WASHC3: variants seen among roughly 807,000 people sequenced by gnomAD.
WASHC3 encodes the protein WASH complex subunit 3.
In WASHC3, 24 loss-of-function variants were observed where a neutral mutation model predicts 26.1. That is an observed-to-expected ratio of 0.92 (90% CI 0.66 to 1.29). WASHC3 has a LOEUF of 1.29. Among genes scored for constraint, WASHC3 ranks in the 50% most tolerant of loss-of-function variants. The pLI is 0.00. For missense variants in WASHC3, 214 were observed against 229.6 expected (o/e 0.93, Z 0.44); for synonymous variants, 77 against 75.7 (o/e 1.02, Z -0.09).
chr12:102,021,829 C>T (rs912108218), intron 6 of WASHC3, among the ~76,000 whole-genome samples: 3 of 103,592 alleles, frequency 2.9e-5, no homozygotes, highest in Non-Finnish European at 5.8e-5. Context: ...GCTGGGCATG[C>T]CATGTAAAAA....
At chr12:102,016,776 A>C (rs1312828542) in intron 6 of WASHC3, among the ~76,000 whole-genome samples, 2 of 152,216 alleles carry the variant, frequency 1.3e-5, no homozygotes, top group African/African-American at 2.4e-5. Flanking sequence ...AGTTCATAGA[A>C]TAAAGATATA....
chr12:102,058,228 G>T (rs1051881853), intron 2 of WASHC3, among the ~76,000 whole-genome samples: 1 of 152,080 alleles, frequency 6.6e-6, no homozygotes, highest in Admixed American at 6.6e-5. Context: ...AATGAAATTA[G>T]ACCCTCATCC....
At chr12:102,049,760 G>A (rs1878313784) in intron 2 of WASHC3, among the ~76,000 whole-genome samples, 1 of 152,122 alleles carries the variant, frequency 6.6e-6, no homozygotes, top group African/African-American at 2.4e-5. Flanking sequence ...AGAAAAGGAA[G>A]CAATGAATGG....
At chr12:102,024,571 C>A (rs1231480906) in intron 6 of WASHC3, among the ~76,000 whole-genome samples, 1 of 152,128 alleles carries the variant, frequency 6.6e-6, no homozygotes, top group East Asian at 1.9e-4. Context: ...TAGGTTTAGG[C>A]TGGACAGGGG....
chr12:102,044,582 T>C (rs1323079308), intron 3 of WASHC3, among the ~76,000 whole-genome samples: 2 of 152,288 alleles, frequency 1.3e-5, no homozygotes, highest in East Asian at 3.9e-4. Context: ...GATAAGAACA[T>C]GTACCTAGAA....
At chr12:102,046,172 C>A in intron 2 of WASHC3, 53 bp from the exon 3 acceptor site, 5 of 981,300 alleles carry the variant, frequency 5.1e-6, no homozygotes, top group Admixed American at 2.1e-5. Context: ...AAACTGTTAA[C>A]AATAACTAAG....
chr12:102,020,286 A>C (rs1876896792), intron 6 of WASHC3, among the ~76,000 whole-genome samples: 1 of 152,268 alleles, frequency 6.6e-6, no homozygotes, highest in Non-Finnish European at 1.5e-5. Flanking sequence ...GTAAAGGTAG[A>C]ATGAGGTGGG....
At chr12:102,056,100 A>G (rs1323636542) in intron 2 of WASHC3, among the ~76,000 whole-genome samples, 1 of 152,224 alleles carries the variant, frequency 6.6e-6, no homozygotes, top group Non-Finnish European at 1.5e-5. Context: ...TAACTTACAA[A>G]GGTCATTTAA....
chr12:102,041,632 T>A (rs1320597658), intron 4 of WASHC3, among the ~76,000 whole-genome samples: 11 of 152,090 alleles, frequency 7.2e-5, no homozygotes, highest in Non-Finnish European at 1.2e-4. Flanking sequence ...ATAATGTCAA[T>A]GAAAACTCTG....
At chr12:102,045,381 A>T (rs1594365457) in intron 3 of WASHC3, among the ~76,000 whole-genome samples, 1 of 152,202 alleles carries the variant, frequency 6.6e-6, no homozygotes, top group Non-Finnish European at 1.5e-5. Context: ...TTCCTCATAA[A>T]TATTTACAGA....
rs987004879 is a variant in WASHC3, at chr12:102,042,552, T to G, written c.324+1553A>C. On this transcript the variant is annotated intron_variant, in intron 4 of 6. Coordinates refer to ENST00000240079, the MANE Select transcript of WASHC3 (RefSeq NM_016053.4). Reference sequence around the variant, plus strand: ...ACGTTACTTTTCGACCTTCAGCAAGTTACTTAACCTCTATATACCTCATTT... The same window carrying G: ...ACGTTACTTTTCGACCTTCAGCAAGGTACTTAACCTCTATATACCTCATTT... Among the ~76,000 whole-genome samples the G allele has an allele frequency of 1.3e-5, 2 of 152,194 alleles. 1 individual carries two copies. The highest frequency in any genetic ancestry group is 1.3e-4 in the Admixed American group (2 of 15,286).
intron 2 of WASHC3, chr12:102,050,453 AACACACACAC>A (rs58251617): frequency 6.9e-4 from 229 of 333,954 alleles, no homozygotes; most frequent in Admixed American, 4.9e-3. Flanking sequence ...TGCCATCTCT[AACACACACAC>A]ACACACACAC....
chr12:102,012,857 C>T lies in WASHC3; in HGVS notation c.*251G>A, dbSNP rs1024651363. 1 of 297,212 alleles carries T rather than the reference C, an allele frequency of 3.4e-6. No homozygotes were observed. Among genetic ancestry groups the T allele is most frequent in the African/African-American group, 2.2e-5 (1 of 44,784 alleles). The allele number at this position is 297,212 out of a possible 1,614,324, so 18.4% of individuals were successfully genotyped here. On this transcript the variant is annotated 3_prime_UTR_variant, in exon 7 of 7. Coordinates refer to ENST00000240079, the MANE Select transcript of WASHC3 (RefSeq NM_016053.4). ...TCATTGCATCTCTAAAATATTCTAT[C>T]TTAGTATTTGTAGCACTAATTGTAC...
intron 6 of WASHC3, among the ~76,000 whole-genome samples, chr12:102,024,850 C>T (rs1434617410): frequency 6.6e-6 from 1 of 152,244 alleles, no homozygotes; most frequent in Non-Finnish European, 1.5e-5. Flanking sequence ...CATTAAAATA[C>T]ATATCACAAG....
chr12:102,055,099 G>C (rs1003894575), intron 2 of WASHC3, among the ~76,000 whole-genome samples: 1 of 151,940 alleles, frequency 6.6e-6, no homozygotes, highest in Non-Finnish European at 1.5e-5. Flanking sequence ...CAATAGAAAA[G>C]ATCAATGAAA....
intron 4 of WASHC3, among the ~76,000 whole-genome samples, chr12:102,041,978 T>A (rs1877956818): frequency 1.3e-5 from 2 of 152,064 alleles, no homozygotes; most frequent in Non-Finnish European, 2.9e-5. Flanking sequence ...CACAACTGCA[T>A]AAGAATTTTA....
At chr12:102,017,750 C>A (rs1463651472) in intron 6 of WASHC3, 2 of 424,714 alleles carry the variant, frequency 4.7e-6, no homozygotes, top group African/African-American at 4.2e-5. Flanking sequence ...AATTTCTCCA[C>A]ACCGTCAGCA....
chr12:102,050,201 C>T, intron 2 of WASHC3: 2 of 392,338 alleles, frequency 5.1e-6, no homozygotes, highest in Non-Finnish European at 1.0e-5. Flanking sequence ...GTAGTTCCAG[C>T]TACTTGGGGC....
intron 5 of WASHC3, 88 bp from the exon 6 acceptor site, chr12:102,026,126 C>T: frequency 5.8e-6 from 4 of 685,518 alleles, no homozygotes; most frequent in South Asian, 1.9e-5. Context: ...CCTTCAGATG[C>T]CTCATTATTT....
Sources: gnomAD v4.1 joint callset for allele counts (sites outside exome capture counted in the v4.1 genomes callset) on GRCh38, gnomAD v4.1.1 for gene constraint, MANE v1.5 for transcripts, NCBI Gene and HGNC (gene_info 2026-07-23, HGNC 2026-07-21) for gene names.